Variants in TNRC6B observed in about 807,000 individuals in gnomAD.
TNRC6B encodes the protein trinucleotide repeat containing adaptor 6B, also known as trinucleotide repeat-containing gene 6B protein.
TNRC6B carries 52 observed loss-of-function variants against 203.6 expected under a neutral mutation model. That is an observed-to-expected ratio of 0.26 (90% CI 0.20 to 0.32). The LOEUF (loss-of-function observed/expected upper bound fraction) is 0.32, where lower values mean the gene tolerates loss of function less well. Ranked by LOEUF, TNRC6B falls within the 10% of genes least tolerant of loss-of-function variation. TNRC6B has a pLI of 1.00. For missense variants in TNRC6B, 1,923 were observed against 2,286.2 expected (o/e 0.84, Z 3.24); for synonymous variants, 838 against 845.7 (o/e 0.99, Z 0.16).
chr22:40,149,679 C>CAAAAAA (rs58482182), intron 3 of TNRC6B, among the ~76,000 whole-genome samples: 2 of 84,844 alleles, frequency 2.4e-5, no homozygotes, highest in Non-Finnish European at 4.5e-5. Flanking sequence ...CCTCCCCCGC[C>CAAAAAA]AAAAAAAAAA....
rs2070449007 is a variant in TNRC6B, at chr22:40,264,788, C to T, written c.558C>T (p.Ile186=). The change falls in exon 5 of 23, where the codon ATC becomes ATT. Residue 186 remains isoleucine, a synonymous_variant. Coordinates refer to ENST00000454349, the MANE Select transcript of TNRC6B (RefSeq NM_001162501.2). Reference sequence around the variant, plus strand: ...GCACCTCCCCCAACCCAATTCACATCTGGGACAAGGTGATTGTAGACGGGT... The same window carrying T: ...GCACCTCCCCCAACCCAATTCACATTTGGGACAAGGTGATTGTAGACGGGT... The part of the protein sequence containing the change: ...NNGTSPNPIH[I]WDKVIVDGSD... 1 of 1,613,978 alleles carries T rather than the reference C, an allele frequency of 6.2e-7. No individual in the cohort carries two copies. Among genetic ancestry groups the T allele is most frequent in the Non-Finnish European group, 8.5e-7 (1 of 1,179,882 alleles).
At chr22:40,305,678 C>G (rs2071079843) in intron 15 of TNRC6B, among the ~76,000 whole-genome samples, 1 of 152,114 alleles carries the variant, frequency 6.6e-6, no homozygotes, top group African/African-American at 2.4e-5. Context: ...GCAATTTTCT[C>G]ACCTATTCTT....
At chr22:40,273,769 TC>T (rs1173111952) in intron 7 of TNRC6B, among the ~76,000 whole-genome samples, 169 bp downstream of exon 7, 1 of 152,114 alleles carries the variant, frequency 6.6e-6, no homozygotes, top group Non-Finnish European at 1.5e-5. Flanking sequence ...CAAGCAGTCC[TC>T]CCACCTCAGC....
intron 1 of TNRC6B, among the ~76,000 whole-genome samples, chr22:40,220,483 G>A (rs970177635): frequency 3.3e-5 from 5 of 152,120 alleles, no homozygotes; most frequent in African/African-American, 9.7e-5. Context: ...GGGGAGGAGG[G>A]GGGGAGGGGC....
At chr22:40,267,759 C>G (rs952344162) in intron 5 of TNRC6B, among the ~76,000 whole-genome samples, 1 of 152,116 alleles carries the variant, frequency 6.6e-6, no homozygotes, top group Non-Finnish European at 1.5e-5. Context: ...GTCCCACCTA[C>G]TCTAGAGGCT....
intron 1 of TNRC6B, among the ~76,000 whole-genome samples, chr22:40,245,074 C>CAATTATTT (rs2070086808): frequency 6.7e-6 from 1 of 149,420 alleles, no homozygotes; most frequent in Non-Finnish European, 1.5e-5. Flanking sequence ...ATAGGACATA[C>CAATTATTT]ATTTATTTAT....
At chr22:40,097,728 T>C (rs946451254) in intron 1 of TNRC6B, among the ~76,000 whole-genome samples, 2 of 151,004 alleles carry the variant, frequency 1.3e-5, no homozygotes, top group African/African-American at 2.4e-5. Flanking sequence ...TATTATACAT[T>C]GTATACATTA....
intron 1 of TNRC6B, among the ~76,000 whole-genome samples, chr22:40,073,262 T>A (rs1162315271): frequency 6.6e-6 from 1 of 151,948 alleles, no homozygotes; most frequent in Non-Finnish European, 1.5e-5. Flanking sequence ...AGAGTCCTTG[T>A]TTTTGCAGAG....
chr22:40,059,372 G>T (rs541143441), intron 1 of TNRC6B, among the ~76,000 whole-genome samples: 1 of 152,290 alleles, frequency 6.6e-6, no homozygotes, highest in East Asian at 1.9e-4. Flanking sequence ...CATTTTTATA[G>T]ATTTCGATGT....
intron 12 of TNRC6B, among the ~76,000 whole-genome samples, chr22:40,288,494 C>A (rs1304920702): frequency 3.3e-5 from 5 of 152,004 alleles, no homozygotes; most frequent in African/African-American, 1.2e-4. Context: ...TGCTTCAGCC[C>A]AGGAGTTTGA....
chr22:40,314,609 G>T (rs2071231499), intron 19 of TNRC6B, among the ~76,000 whole-genome samples: 2 of 152,130 alleles, frequency 1.3e-5, no homozygotes, highest in South Asian at 4.1e-4. Context: ...TAAAGCCTTT[G>T]CTGCAAGCCC....
intron 1 of TNRC6B, among the ~76,000 whole-genome samples, chr22:40,082,378 G>C (rs1169620373): frequency 6.6e-6 from 1 of 152,148 alleles, no homozygotes; most frequent in African/African-American, 2.4e-5. Flanking sequence ...AGAGGGAATA[G>C]CATGTACCAA....
chr22:40,177,950 A>C lies in TNRC6B; in HGVS notation c.-186A>C, dbSNP rs1352140677. On this transcript the variant is annotated 5_prime_UTR_variant, in exon 1 of 23. Coordinates refer to ENST00000454349, the MANE Select transcript of TNRC6B (RefSeq NM_001162501.2). ...AGAGACAGAGAGGGAGAGAGAGAGC[A>C]AGAGGGAGAGTGTGTGAGAGAGAGT... 3 of 1,409,130 alleles carry C rather than the reference A, an allele frequency of 2.1e-6. No homozygotes were observed. The East Asian group carries it at 7.8e-5, about 37-fold the overall frequency. 87.3% of individuals were successfully genotyped at this position (1,409,130 alleles called of 1,614,324 possible).
chr22:40,204,172 G>A (rs537729892), intron 1 of TNRC6B, among the ~76,000 whole-genome samples: 12 of 152,274 alleles, frequency 7.9e-5, no homozygotes, highest in African/African-American at 2.4e-4. Flanking sequence ...ATATTTTGTC[G>A]TTTGTATTTC....
At chr22:40,204,994 T>G (rs1167569018) in intron 1 of TNRC6B, among the ~76,000 whole-genome samples, 2 of 152,200 alleles carry the variant, frequency 1.3e-5, no homozygotes, top group African/African-American at 4.8e-5. Flanking sequence ...ATGGTTTAGT[T>G]TTTCCATTTT....
At chr22:40,230,588 G>C (rs75208965) in intron 1 of TNRC6B, among the ~76,000 whole-genome samples, 2 of 151,874 alleles carry the variant, frequency 1.3e-5, no homozygotes, top group Admixed American at 1.3e-4. Context: ...CACCATGCCC[G>C]GCCTCTTTTG....
chr22:40,297,659 T>G (rs1025936103), intron 12 of TNRC6B, among the ~76,000 whole-genome samples: 1 of 151,948 alleles, frequency 6.6e-6, no homozygotes, highest in African/African-American at 2.4e-5. Context: ...CCGTCTCTAC[T>G]AAAAATACAA....
chr22:40,300,506 C>T lies in TNRC6B; in HGVS notation c.3760C>T (p.Leu1254Phe). 1 of 1,612,838 alleles carries T rather than the reference C, an allele frequency of 6.2e-7. No homozygotes were observed. The highest frequency in any genetic ancestry group is 8.5e-7 in the Non-Finnish European group (1 of 1,179,518). The change falls in exon 13 of 23, where the codon CTT becomes TTT. Residue 1254 changes from leucine (L) to phenylalanine (F), a missense_variant. Around this residue, in one of 8 missense-constraint regions of TNRC6B, gnomAD observed 242 missense variants for 399.5 expected, o/e 0.61. Coordinates refer to ENST00000454349, the MANE Select transcript of TNRC6B (RefSeq NM_001162501.2). ...TCCCAACAGTGGCCTGAGTCCAGGT[C>T]TTTTCAATGTGGGGCCCCAGTTATC... ...QFPNSGLSPG[L>F]FNVGPQLSPQ... is the part of the protein sequence containing the mutation.
chr22:40,282,289 C>G (rs1340600097), intron 11 of TNRC6B, among the ~76,000 whole-genome samples: 2 of 152,186 alleles, frequency 1.3e-5, no homozygotes, highest in Non-Finnish European at 2.9e-5. Context: ...TATATGCTTT[C>G]TAATTGCTGC....
Sources: allele counts gnomAD v4.1 joint callset (sites outside exome capture counted in the v4.1 genomes callset), GRCh38; gene constraint gnomAD v4.1.1; regional missense constraint gnomAD v4.1.1; transcripts MANE v1.5; gene names NCBI Gene and HGNC (gene_info 2026-07-23, HGNC 2026-07-21).